The following MROH1 variants were observed in gnomAD, a reference collection of about 807,000 sequenced individuals.
The protein encoded by MROH1 is maestro heat like repeat family member 1.
MROH1 carries 117 observed loss-of-function variants against 116.5 expected under a neutral mutation model. The ratio of observed to expected loss-of-function variants is 1.00; its 90% CI spans 0.86 to 1.17. The LOEUF is 1.17. Ranked by LOEUF, MROH1 falls within the 50% of genes most tolerant of loss-of-function variation. MROH1 has a pLI of 0.00. For synonymous variants in MROH1, 921 were observed against 583.9 expected (o/e 1.58, Z -8.32); for missense variants, 1,873 against 1,338.5 (o/e 1.40, Z -6.23).
At chr8:144,236,726 G>C (rs979066962) in intron 14 of MROH1, among the ~76,000 whole-genome samples, 2 of 151,564 alleles carry the variant, frequency 1.3e-5, no homozygotes, top group South Asian at 4.2e-4. Context: ...CTGGGTGACA[G>C]AGCGAGACTC....
At chr8:144,261,254 G>A (rs1844995924) in intron 42 of MROH1, 30 bp from the exon 43 acceptor site, 6 of 754,244 alleles carry the variant, frequency 8.0e-6, no homozygotes, top group African/African-American at 1.7e-5. Flanking sequence ...ACGCCGCCCG[G>A]CAGCCCCGCC....
intron 1 of MROH1, among the ~76,000 whole-genome samples, chr8:144,160,113 T>TGA (rs898191691): frequency 1.3e-5 from 2 of 152,322 alleles, no homozygotes; most frequent in African/African-American, 4.8e-5. Flanking sequence ...TGCTTTTGCT[T>TGA]GGTGTTGCTG....
chr8:144,239,254 C>G (rs889665366), intron 16 of MROH1, 69 bp from the exon 17 acceptor site: 133 of 772,800 alleles, frequency 1.7e-4, no homozygotes, highest in Non-Finnish European at 7.2e-5. Flanking sequence ...TCCCCATCCT[C>G]CAGTTCCTGA....
Position 144,249,042 on chromosome 8 carries a change from G to A in MROH1, c.3273+13G>A, listed in dbSNP as rs1429842126. On this transcript the variant is annotated intron_variant, in intron 32 of 43. Transcript: ENST00000326134. Reference sequence around the variant, plus strand: ...GCTCCAGGAGAAGGTGGGAGAGGGCGGGGCGCGGGGGGTGCTCCAGGAGAA... The same window carrying A: ...GCTCCAGGAGAAGGTGGGAGAGGGCAGGGCGCGGGGGGTGCTCCAGGAGAA... The A allele has an allele frequency of 2.3e-5, 16 of 696,530 alleles. No homozygotes were observed. Among genetic ancestry groups the A allele is most frequent in the East Asian group, 8.6e-5 (3 of 34,912 alleles). 43.1% of individuals were successfully genotyped at this position (696,530 alleles called of 1,614,324 possible).
At chr8:144,257,818 C>A (rs1406279957) in intron 35 of MROH1, among the ~76,000 whole-genome samples, 1 of 152,258 alleles carries the variant, frequency 6.6e-6, no homozygotes, top group Non-Finnish European at 1.5e-5. Flanking sequence ...TGCTTTTGGG[C>A]CAGGTGCTCC....
intron 7 of MROH1, among the ~76,000 whole-genome samples, chr8:144,183,175 C>T (rs1035692007): frequency 3.3e-5 from 5 of 152,012 alleles, no homozygotes; most frequent in Non-Finnish European, 7.4e-5. Flanking sequence ...CCCAGGAATT[C>T]GAAACCAGGC....
chr8:144,199,566 C>T (rs574439276), intron 11 of MROH1, among the ~76,000 whole-genome samples: 6 of 147,610 alleles, frequency 4.1e-5, no homozygotes, highest in East Asian at 1.9e-4. Flanking sequence ...GGCTGCTAGC[C>T]CTGGTCACCT....
At position 144,197,891 on chromosome 8, in the gene MROH1, T is replaced by C. The variant is rs367804328; in HGVS notation, c.949-1231T>C. The stretch of plus-strand genomic sequence containing the variant: ...GAGTTAGAGACCATCCAGACCAACA[T>C]GGAGAAACCCTGTCTCTATTAAAAA... On this transcript the variant is annotated intron_variant, in intron 10 of 43. Transcript: ENST00000326134. 1.4e-3 allele frequency among the ~76,000 whole-genome samples: 215 copies of C among 150,200 alleles called. 1 individual carries two copies. The highest frequency in any genetic ancestry group is 4.9e-3 in the African/African-American group (203 of 41,210).
intron 24 of MROH1, 36 bp downstream of exon 24, chr8:144,242,664 C>G: frequency 1.3e-6 from 1 of 774,344 alleles, no homozygotes; most frequent in Non-Finnish European, 2.4e-6. Flanking sequence ...GGACTGGCTT[C>G]TCTCCTCTCG....
At chr8:144,243,387 G>A (rs1351248775) in intron 24 of MROH1, 107 bp from the exon 25 acceptor site, 5 of 721,872 alleles carry the variant, frequency 6.9e-6, no homozygotes, top group Admixed American at 3.8e-5. Context: ...GCTCCTTTGA[G>A]AGCAGAGTGC....
chr8:144,242,714 G>T (rs936012585), intron 24 of MROH1, 86 bp downstream of exon 24: 1 of 728,188 alleles, frequency 1.4e-6, no homozygotes, highest in Non-Finnish European at 2.6e-6. Context: ...GGCAGAGGCC[G>T]GAGGGGGAGC....
chr8:144,212,744 G>A (rs899771081), intron 12 of MROH1, among the ~76,000 whole-genome samples: 2 of 151,598 alleles, frequency 1.3e-5, no homozygotes, highest in Non-Finnish European at 2.9e-5. Flanking sequence ...CATGCGCCAC[G>A]ACACCCAGTT....
Position 144,209,574 on chromosome 8 carries a change from G to A in MROH1, c.1141+9033G>A, listed in dbSNP as rs771496560. ...AGCCTGGGCGACAGAGTGAGACTCC[G>A]TCTCAAAAAAAAAAAAAGAAAAAAG... On this transcript the variant is annotated intron_variant, in intron 12 of 43. Coordinates refer to ENST00000326134, the MANE Select transcript of MROH1 (RefSeq NM_032450.3). Among the ~76,000 whole-genome samples the A allele has an allele frequency of 1.6e-3, 110 of 68,944 alleles. 2 individuals carry two copies. The highest frequency in any genetic ancestry group is 2.5e-3 in the Admixed American group (12 of 4,800). 45.2% of individuals were successfully genotyped at this position (68,944 alleles called of 152,430 possible).
intron 10 of MROH1, among the ~76,000 whole-genome samples, chr8:144,197,334 G>T (rs1054521932): frequency 6.7e-6 from 1 of 149,744 alleles, no homozygotes; most frequent in Non-Finnish European, 1.5e-5. Context: ...CTCTCCATAA[G>T]GCCGCTTGAG....
chr8:144,214,664 C>T (rs1834879540), intron 12 of MROH1, among the ~76,000 whole-genome samples: 1 of 152,180 alleles, frequency 6.6e-6, no homozygotes. Flanking sequence ...GGGCCGCGGC[C>T]ACCCCAGCCA....
intron 12 of MROH1, among the ~76,000 whole-genome samples, chr8:144,217,021 G>A (rs549504785): frequency 8.5e-5 from 13 of 152,258 alleles, no homozygotes; most frequent in African/African-American, 2.9e-4. Context: ...ATAAGTGTAA[G>A]AAATGATTGC....
At chr8:144,216,663 G>A (rs1835323849) in intron 12 of MROH1, among the ~76,000 whole-genome samples, 1 of 151,028 alleles carries the variant, frequency 6.6e-6, no homozygotes, top group African/African-American at 2.5e-5. Context: ...TTGTATTAAT[G>A]GTATGTCATA....
In MROH1 at chr8:144,209,027, T is replaced by TTGTGTGTGTGTGTGTG. The variant is rs71320812; in HGVS notation, c.1141+8518_1141+8533dup. ...GCATGAGCCAATGCACTCGGCCATTTTGTGTGTGTGTGTGTGTGTGTGTGT... is the reference window on the plus strand; with the variant it reads ...GCATGAGCCAATGCACTCGGCCATTTTGTGTGTGTGTGTGTGTGTGTGTGTGTGTGTGTGTGTGTGT... On this transcript the variant is annotated intron_variant, in intron 12 of 43. Coordinates refer to ENST00000326134, the MANE Select transcript of MROH1 (RefSeq NM_032450.3). 4.0e-4 allele frequency among the ~76,000 whole-genome samples: 56 copies of TTGTGTGTGTGTGTGTG among 141,736 alleles called. 2 individuals carry two copies. Among genetic ancestry groups the TTGTGTGTGTGTGTGTG allele is most frequent in the African/African-American group, 1.4e-3 (52 of 36,876 alleles). 93.0% of individuals were successfully genotyped at this position (141,736 alleles called of 152,430 possible). A position where few individuals can be genotyped will look rare whatever the true frequency, so the allele number is the denominator to read the frequency against.
chr8:144,213,273 G>A lies in MROH1; in HGVS notation c.1142-7327G>A, dbSNP rs543480141. 8.1e-5 allele frequency: 48 copies of A among 592,870 alleles called. 1 individual carries two copies. The South Asian group carries it at 1.1e-3, about 13-fold the overall frequency. The allele number at this position is 592,870 out of a possible 1,614,324, so 36.7% of individuals were successfully genotyped here. On this transcript the variant is annotated intron_variant, in intron 12 of 43. Transcript: ENST00000326134. ...AAAGCTCTTTCTCTGTAGGTTCCGT[G>A]GGAAGAGCTCATGGGAACATGATCT...
Sources: gnomAD v4.1 joint callset for allele counts (sites outside exome capture counted in the v4.1 genomes callset) on GRCh38, gnomAD v4.1.1 for gene constraint, MANE v1.5 for transcripts, NCBI Gene and HGNC (gene_info 2026-07-23, HGNC 2026-07-21) for gene names.